PCDHGA1: variants seen among roughly 807,000 people sequenced by gnomAD.
The protein encoded by PCDHGA1 is protocadherin gamma subfamily A, 1, also known as protocadherin gamma-A1.
Under a neutral mutation model 58.0 loss-of-function variants are expected in PCDHGA1, and 32 were observed. The observed-to-expected ratio is 0.55, with a 90% CI of 0.42 to 0.74. The LOEUF is 0.74. PCDHGA1 is among the 30% of genes least tolerant of loss of function. PCDHGA1 has a pLI of 0.00. For synonymous variants in PCDHGA1, 498 were observed against 501.1 expected, an observed-to-expected ratio of 0.99 and a Z score of 0.08; for missense variants, 1,205 against 1,182.3, an observed-to-expected ratio of 1.02 and a Z score of -0.28.
intron 1 of PCDHGA1, chr5:141,423,421 G>A (rs772863950): frequency 1.2e-6 from 2 of 1,614,080 alleles, no homozygotes; most frequent in Non-Finnish European, 1.7e-6. Flanking sequence ...TTCTGAAGGC[G>A]GGTTGGCAGG....
intron 1 of PCDHGA1, chr5:141,409,341 G>A (rs753232321): frequency 1.9e-6 from 3 of 1,613,976 alleles, no homozygotes; most frequent in Non-Finnish European, 2.5e-6. Flanking sequence ...GGAGGAAATG[G>A]AGAAGTCAGG....
Position 141,487,256 on chromosome 5 carries a change from G to T in PCDHGA1, c.2422-7551G>T. On this transcript the variant is annotated intron_variant, in intron 1 of 3. Coordinates refer to ENST00000517417, the MANE Select transcript of PCDHGA1 (RefSeq NM_018912.3). This position sits in a 1 kb window ranked among gnomAD's most constrained non-coding sequence, Gnocchi z 5.0. Reference sequence around the variant, plus strand: ...ATCTCGTCTAACCCTCTACTTGGCTGTGTCCCTAGTGGCAATTTGCTTTGT... The same window carrying T: ...ATCTCGTCTAACCCTCTACTTGGCTTTGTCCCTAGTGGCAATTTGCTTTGT... The T allele has an allele frequency of 2.5e-6, 4 of 1,614,166 alleles. No homozygotes were observed. Among genetic ancestry groups the T allele is most frequent in the Non-Finnish European group, 2.5e-6 (3 of 1,180,032 alleles).
Position 141,490,254 on chromosome 5 carries a change from G to A in PCDHGA1, c.2422-4553G>A. The A allele has an allele frequency of 6.2e-7, 1 of 1,614,236 alleles. No homozygotes were observed. Among genetic ancestry groups the A allele is most frequent in the Non-Finnish European group, 8.5e-7 (1 of 1,180,038 alleles). ...TGGAGGGCCACTGTGTGATTCAAGT[G>A]GATGTGGGGGATGTCAATGACAATG... On this transcript the variant is annotated intron_variant, in intron 1 of 3. Coordinates refer to ENST00000517417, the MANE Select transcript of PCDHGA1 (RefSeq NM_018912.3). The surrounding 1 kb of genome is among the most constrained non-coding windows in gnomAD (Gnocchi z 5.4).
At chr5:141,409,919 G>A in intron 1 of PCDHGA1, 1 of 1,613,346 alleles carries the variant, frequency 6.2e-7, no homozygotes, top group Non-Finnish European at 8.5e-7. Flanking sequence ...TGACGGCTCC[G>A]CGTTCTTCGA....
At chr5:141,343,115 T>C in intron 1 of PCDHGA1, 1 of 194,556 alleles carries the variant, frequency 5.1e-6, no homozygotes, top group Non-Finnish European at 9.4e-6. Flanking sequence ...ATTCCCTGTT[T>C]GCTTTTATAT....
In PCDHGA1 at chr5:141,485,848, C is replaced by T; in HGVS notation, c.2422-8959C>T. On this transcript the variant is annotated intron_variant, in intron 1 of 3. Coordinates refer to ENST00000517417, the MANE Select transcript of PCDHGA1 (RefSeq NM_018912.3). This position sits in a 1 kb window ranked among gnomAD's most constrained non-coding sequence, Gnocchi z 5.7. ...GAGGGAACCCGCCGAGATCTGGCAC[C>T]GCAGAGCTCCGGGTATCCGTGCTGG... The T allele has an allele frequency of 1.2e-6, 2 of 1,614,194 alleles. No homozygotes were observed. Among genetic ancestry groups the T allele is most frequent in the South Asian group, 2.2e-5 (2 of 91,080 alleles).
At chr5:141,423,346 G>T in intron 1 of PCDHGA1, 1 of 1,614,214 alleles carries the variant, frequency 6.2e-7, no homozygotes, top group South Asian at 1.1e-5. Context: ...CATCTTCCTG[G>T]TCTTTGTCAT....
At chr5:141,401,214 C>T (rs894124786) in intron 1 of PCDHGA1, among the ~76,000 whole-genome samples, 4 of 151,920 alleles carry the variant, frequency 2.6e-5, no homozygotes, top group Non-Finnish European at 4.4e-5. Context: ...TGGTGGCGGG[C>T]GCCTGTAATC....
intron 1 of PCDHGA1, chr5:141,344,282 C>T (rs772327249): frequency 1.2e-6 from 2 of 1,614,102 alleles, no homozygotes; most frequent in South Asian, 1.1e-5. Context: ...AAAGCGGCAG[C>T]TTGGTCACCG....
intron 1 of PCDHGA1, chr5:141,407,890 A>C (rs2094997846): frequency 2.5e-6 from 1 of 395,960 alleles, no homozygotes. Flanking sequence ...TCGGAGACCG[A>C]ATTCAAAATG....
At chr5:141,410,849 C>CTTTTTTTTTTTTTTTTTTTCTT (rs2095436178) in intron 1 of PCDHGA1, 1 of 129,786 alleles carries the variant, frequency 7.7e-6, no homozygotes, top group Non-Finnish European at 1.3e-5. Context: ...TTGTCTTTGT[C>CTTTTTTTTTTTTTTTTTTTCTT]TTTTTTTTTT....
intron 1 of PCDHGA1, among the ~76,000 whole-genome samples, chr5:141,448,948 A>C (rs918513864): frequency 6.6e-6 from 1 of 152,170 alleles, no homozygotes; most frequent in African/African-American, 2.4e-5. Flanking sequence ...GCAACTCAAA[A>C]AAACAAACAA....
intron 1 of PCDHGA1, among the ~76,000 whole-genome samples, chr5:141,438,705 G>A (rs555160868): frequency 2.0e-4 from 29 of 145,842 alleles, no homozygotes; most frequent in African/African-American, 7.1e-4. Flanking sequence ...CTGTCACCCA[G>A]GCTGGAGTGC....
Position 141,487,302 on chromosome 5 carries a change from C to T in PCDHGA1, c.2422-7505C>T, listed in dbSNP as rs763268817. 3.7e-6 allele frequency: 6 copies of T among 1,614,154 alleles called. No homozygotes were observed. The highest frequency in any genetic ancestry group is 3.4e-6 in the Non-Finnish European group (4 of 1,180,002). On this transcript the variant is annotated intron_variant, in intron 1 of 3. Transcript: ENST00000517417. This position sits in a 1 kb window ranked among gnomAD's most constrained non-coding sequence, Gnocchi z 5.0. ...TTTGTCTCCTTTGGCTCATTCGTGGCACTACTCTCTAAGTGTCTTCGTGGG... is the reference window on the plus strand; with the variant it reads ...TTTGTCTCCTTTGGCTCATTCGTGGTACTACTCTCTAAGTGTCTTCGTGGG...
chr5:141,426,589 T>G (rs2096945227), intron 1 of PCDHGA1: 1 of 369,180 alleles, frequency 2.7e-6, no homozygotes, highest in South Asian at 2.0e-5. Context: ...ATCCTCTGTG[T>G]CATACCCTTA....
intron 1 of PCDHGA1, chr5:141,340,727 T>A: frequency 6.2e-7 from 1 of 1,613,998 alleles, no homozygotes; most frequent in Non-Finnish European, 8.5e-7. Context: ...AGAGCCCGGC[T>A]ACCTGGTGAC....
intron 1 of PCDHGA1, among the ~76,000 whole-genome samples, chr5:141,484,454 G>A (rs932663778): frequency 6.6e-6 from 1 of 152,212 alleles, no homozygotes; most frequent in African/African-American, 2.4e-5. Context: ...AATTGGCTAC[G>A]TTAATGTGTA....
In PCDHGA1 at chr5:141,491,736, G is replaced by T; in HGVS notation, c.2422-3071G>T. The T allele has an allele frequency of 6.2e-7, 1 of 1,600,560 alleles. No individual in the cohort carries two copies. Among genetic ancestry groups the T allele is most frequent in the Non-Finnish European group, 8.5e-7 (1 of 1,174,270 alleles). ...CGGCGCCGCCCCGGGCGACCCCTGG[G>T]GGCGGCACTGGAGAAGCCGCCCGTC... On this transcript the variant is annotated intron_variant, in intron 1 of 3. Coordinates refer to ENST00000517417, the MANE Select transcript of PCDHGA1 (RefSeq NM_018912.3). This position sits in a 1 kb window ranked among gnomAD's most constrained non-coding sequence, Gnocchi z 6.9.
chr5:141,383,267 T>G (rs1428207205), intron 1 of PCDHGA1: 1 of 1,613,726 alleles, frequency 6.2e-7, no homozygotes, highest in East Asian at 2.2e-5. Context: ...GACGTGGAAA[T>G]AATAGATATT....
Sources: allele counts gnomAD v4.1 joint callset (sites outside exome capture counted in the v4.1 genomes callset), GRCh38; gene constraint gnomAD v4.1.1; non-coding constraint Gnocchi (gnomAD v3.1); transcripts MANE v1.5; gene names NCBI Gene and HGNC (gene_info 2026-07-23, HGNC 2026-07-21).